CLXN: variants seen among roughly 807,000 people sequenced by gnomAD.
The protein encoded by CLXN is calaxin.
chr8:48,734,763 T>G, the CLXN span: 1 of 258,442 alleles, frequency 3.9e-6, no homozygotes, highest in Non-Finnish European at 7.3e-6. Context: ...TGAGACCAGT[T>G]GGTTTTAGCA....
the CLXN span, chr8:48,716,305 A>G: frequency 1.3e-5 from 2 of 152,186 alleles, no homozygotes; most frequent in African/African-American, 4.8e-5. Context: ...GCCGGCGCCC[A>G]CCCAGAACTC....
the CLXN span, among the ~76,000 whole-genome samples, chr8:48,727,800 G>A: frequency 1.3e-5 from 2 of 152,154 alleles, no homozygotes; most frequent in Non-Finnish European, 2.9e-5. Context: ...TAACAATCTA[G>A]GCTAGGTAAC....
At chr8:48,730,950 A>G in the CLXN span, among the ~76,000 whole-genome samples, 1 of 152,148 alleles carries the variant, frequency 6.6e-6, no homozygotes, top group African/African-American at 2.4e-5. Flanking sequence ...ATATATGAAT[A>G]TAAATAAAAT....
chr8:48,727,303 GA>G, the CLXN span, among the ~76,000 whole-genome samples: 2 of 152,038 alleles, frequency 1.3e-5, no homozygotes, highest in Non-Finnish European at 2.9e-5. Context: ...AGGGTATGGG[GA>G]AACACAGTGA....
the CLXN span, among the ~76,000 whole-genome samples, chr8:48,727,834 G>A: frequency 6.6e-6 from 1 of 152,178 alleles, no homozygotes; most frequent in Non-Finnish European, 1.5e-5. Flanking sequence ...TTAACTTAGA[G>A]TGGTGGCAAA....
chr8:48,732,513 A>C, the CLXN span, among the ~76,000 whole-genome samples: 1 of 152,206 alleles, frequency 6.6e-6, no homozygotes, highest in African/African-American at 2.4e-5. Context: ...AGTAGGAAAC[A>C]ATATAATGGT....
the CLXN span, among the ~76,000 whole-genome samples, chr8:48,725,270 T>C: frequency 6.6e-6 from 1 of 152,136 alleles, no homozygotes; most frequent in Admixed American, 6.5e-5. Flanking sequence ...AAGGGATTTA[T>C]TCACAAGGTG....
At chr8:48,712,914 C>A in the CLXN span, among the ~76,000 whole-genome samples, 1 of 148,946 alleles carries the variant, frequency 6.7e-6, no homozygotes, top group African/African-American at 2.5e-5. Context: ...GCAGGAGAAT[C>A]GCTTGAATCT....
At chr8:48,726,817 T>C in the CLXN span, among the ~76,000 whole-genome samples, 80 of 140,330 alleles carry the variant, frequency 5.7e-4, 1 homozygote, top group African/African-American at 2.0e-3. Context: ...CATCCATCCA[T>C]CCATCCATCC....
chr8:48,727,201 T>TCCACCTCACCCAC, the CLXN span, among the ~76,000 whole-genome samples: 1 of 38,444 alleles, frequency 2.6e-5, no homozygotes, highest in Non-Finnish European at 4.5e-5. Flanking sequence ...ACCTCACCCA[T>TCCACCTCACCCAC]TCATCTATCC....
chr8:48,731,679 C>A, the CLXN span, among the ~76,000 whole-genome samples: 10 of 145,660 alleles, frequency 6.9e-5, no homozygotes, highest in Non-Finnish European at 1.2e-4. Context: ...ATAAAAAAAG[C>A]AGCATACCCT....
chr8:48,722,904 T>C, the CLXN span, among the ~76,000 whole-genome samples: 2 of 151,864 alleles, frequency 1.3e-5, no homozygotes, highest in Non-Finnish European at 2.9e-5. Flanking sequence ...AAAAAACAAA[T>C]ACTGCATGTT....
the CLXN span, chr8:48,730,494 AT>A: frequency 7.8e-7 from 1 of 1,285,898 alleles, no homozygotes; most frequent in Non-Finnish European, 1.1e-6. Flanking sequence ...TGCTTTAGAT[AT>A]GTTATTCATA....
chr8:48,723,380 A>G, the CLXN span: 1 of 152,242 alleles, frequency 6.6e-6, no homozygotes, highest in East Asian at 1.9e-4. Flanking sequence ...AATCTAAAAT[A>G]TAAAAAAAAC....
chr8:48,731,988 C>A, the CLXN span, among the ~76,000 whole-genome samples: 1 of 152,058 alleles, frequency 6.6e-6, no homozygotes, highest in East Asian at 1.9e-4. Context: ...CTAGAGTCAC[C>A]AGTTTTCCAA....
At chr8:48,719,962 G>A in the CLXN span, among the ~76,000 whole-genome samples, 5 of 152,188 alleles carry the variant, frequency 3.3e-5, no homozygotes, top group African/African-American at 1.2e-4. Flanking sequence ...CAGGGACCCC[G>A]AATGGAGGGA....
chr8:48,719,290 C>T, the CLXN span, among the ~76,000 whole-genome samples: 2 of 152,060 alleles, frequency 1.3e-5, no homozygotes, highest in Admixed American at 1.3e-4. Context: ...AAGTTCCTAA[C>T]AAAGAAAGGT....
chr8:48,735,282 G>T, the CLXN span: 1 of 1,043,530 alleles, frequency 9.6e-7, no homozygotes, highest in Non-Finnish European at 1.4e-6. Flanking sequence ...CTCGTGCGCG[G>T]CCCTAACAGA....
the CLXN span, chr8:48,716,384 A>C: frequency 6.6e-6 from 1 of 152,380 alleles, no homozygotes; most frequent in Non-Finnish European, 1.5e-5. Context: ...ACCTCCCCAC[A>C]AGCAGAGGGA....
Sources: gnomAD v4.1 joint callset for allele counts (sites outside exome capture counted in the v4.1 genomes callset) on GRCh38, gnomAD v4.1.1 for gene constraint, MANE v1.5 for transcripts, NCBI Gene and HGNC (gene_info 2026-07-23, HGNC 2026-07-21) for gene names.